The following GABRG3 variants were observed in gnomAD, a reference collection of about 807,000 sequenced individuals.
GABRG3 encodes gamma-aminobutyric acid type A receptor subunit gamma3.
A neutral mutation model predicts 48.8 loss-of-function variants in GABRG3; 25 were observed. The observed-to-expected ratio is 0.51, with a 90% CI of 0.37 to 0.72. The LOEUF is 0.72. GABRG3 is among the 30% of genes least tolerant of loss of function. The pLI is 0.00. For missense variants in GABRG3, 394 were observed against 577.9 expected, an observed-to-expected ratio of 0.68 and a Z score of 3.26; for synonymous variants, 227 against 217.6, an observed-to-expected ratio of 1.04 and a Z score of -0.38.
intron 3 of GABRG3, among the ~76,000 whole-genome samples, chr15:27,058,522 G>A (rs991984950): frequency 6.6e-6 from 1 of 152,154 alleles, no homozygotes; most frequent in Non-Finnish European, 1.5e-5. Flanking sequence ...ACCAGGAGTT[G>A]TAGCATCTTT....
At chr15:27,495,444 T>C (rs1343744241) in intron 6 of GABRG3, among the ~76,000 whole-genome samples, 1 of 152,226 alleles carries the variant, frequency 6.6e-6, no homozygotes, top group Non-Finnish European at 1.5e-5. Flanking sequence ...TATGCAAATA[T>C]CTCTTTGAGA....
At chr15:27,248,955 C>T (rs1473918664) in intron 3 of GABRG3, among the ~76,000 whole-genome samples, 1 of 152,106 alleles carries the variant, frequency 6.6e-6, no homozygotes, top group Non-Finnish European at 1.5e-5. Context: ...GCCCCGGAGG[C>T]TGAGGACCCC....
chr15:27,281,355 C>G (rs1267437124), intron 3 of GABRG3, among the ~76,000 whole-genome samples: 1 of 151,896 alleles, frequency 6.6e-6, no homozygotes, highest in African/African-American at 2.4e-5. Flanking sequence ...CCCACCTTTG[C>G]CTGTTTTTCC....
rs569266312 is a variant in GABRG3 at position 27,427,568 on chromosome 15, C to T, written c.575-53082C>T. 1.3e-4 allele frequency among the ~76,000 whole-genome samples: 20 copies of T among 152,292 alleles called. No homozygotes were observed. In the East Asian group the frequency reaches 2.1e-3, roughly 16 times the overall value. The stretch of plus-strand genomic sequence containing the variant: ...TGTAATTAATGCTTCTATTATTTTC[C>T]TTGTTATCATTACTAGGCATGTGGC... On this transcript the variant is annotated intron_variant, in intron 5 of 9. Coordinates refer to ENST00000615808, the MANE Select transcript of GABRG3 (RefSeq NM_033223.5).
rs528802245 is a variant in GABRG3 at position 26,997,680 on chromosome 15, T to A, written c.202+20530T>A. ...GCATTATCTTCTGCTTATTGACCAA[T>A]GTTTGTCCATAAGTCATTTTAGACA... On this transcript the variant is annotated intron_variant, in intron 2 of 9. Transcript: ENST00000615808. 5.3e-5 allele frequency among the ~76,000 whole-genome samples: 8 copies of A among 152,340 alleles called. No individual in the cohort carries two copies. In the South Asian group the frequency reaches 1.7e-3, roughly 32 times the overall value.
rs374205174 is a variant in GABRG3 at position 27,494,371 on chromosome 15, A to G, written c.712+13584A>G. Among the ~76,000 whole-genome samples the G allele has an allele frequency of 5.8e-4, 89 of 152,220 alleles. 1 individual carries two copies. The South Asian group carries it at 0.018, about 31-fold the overall frequency. ...TTCTGGCCTCATAAAATGAAGAGAGAAGTGTTCCCTCCTCTCATACGTCCT... is the reference window on the plus strand; with the variant it reads ...TTCTGGCCTCATAAAATGAAGAGAGGAGTGTTCCCTCCTCTCATACGTCCT... On this transcript the variant is annotated intron_variant, in intron 6 of 9. Transcript: ENST00000615808.
Position 27,535,534 on chromosome 15 carries a change from T to C in GABRG3, c.*2653T>C, listed in dbSNP as rs1383562403. On this transcript the variant is annotated 3_prime_UTR_variant, in exon 10 of 10. Transcript: ENST00000615808. Reference sequence around the variant, plus strand: ...CGCTCCTTTTCTAGGAAGGAGAACCTTCATCTCAAGAAAGTCCAATGGATT... The same window carrying C: ...CGCTCCTTTTCTAGGAAGGAGAACCCTCATCTCAAGAAAGTCCAATGGATT... 2.6e-5 allele frequency: 4 copies of C among 152,344 alleles called. No homozygotes were observed. The highest frequency in any genetic ancestry group is 1.3e-4 in the Admixed American group (2 of 15,308). 9.4% of individuals were successfully genotyped at this position (152,344 alleles called of 1,614,324 possible). A position where few individuals can be genotyped will look rare whatever the true frequency, so the allele number is the denominator to read the frequency against.
At chr15:27,069,293 T>G (rs574498064) in intron 3 of GABRG3, among the ~76,000 whole-genome samples, 1 of 152,222 alleles carries the variant, frequency 6.6e-6, no homozygotes, top group Non-Finnish European at 1.5e-5. Flanking sequence ...TTCTAGACAT[T>G]CATGGCATAG....
At chr15:27,353,962 C>A (rs1468506740) in intron 5 of GABRG3, among the ~76,000 whole-genome samples, 2 of 152,136 alleles carry the variant, frequency 1.3e-5, no homozygotes, top group Non-Finnish European at 2.9e-5. Flanking sequence ...TCTCCTGCAC[C>A]TCCAGCCCCT....
Position 27,316,281 on chromosome 15 carries a change from G to A in GABRG3, c.271-10528G>A, listed in dbSNP as rs552632059. Among the ~76,000 whole-genome samples the A allele has an allele frequency of 8.9e-3, 1,349 of 151,088 alleles. 27 individuals carry two copies. Among genetic ancestry groups the A allele is most frequent in the African/African-American group, 0.031 (1,280 of 41,244 alleles). On this transcript the variant is annotated intron_variant, in intron 3 of 9. Coordinates refer to ENST00000615808, the MANE Select transcript of GABRG3 (RefSeq NM_033223.5). Reference sequence around the variant, plus strand: ...CGGGCGCCTGTAGTCCCAGCTACTTGGGAGGCTGAGGCAGGAGAATGGCGT... The same window carrying A: ...CGGGCGCCTGTAGTCCCAGCTACTTAGGAGGCTGAGGCAGGAGAATGGCGT...
At chr15:27,424,262 C>T (rs528848659) in intron 5 of GABRG3, among the ~76,000 whole-genome samples, 90 of 152,220 alleles carry the variant, frequency 5.9e-4, no homozygotes, top group African/African-American at 2.1e-3. Context: ...TGTCTTAGTT[C>T]ATTTGTGCTG....
At chr15:27,006,091 G>C (rs1262033601) in intron 2 of GABRG3, among the ~76,000 whole-genome samples, 1 of 152,098 alleles carries the variant, frequency 6.6e-6, no homozygotes, top group Non-Finnish European at 1.5e-5. Context: ...ATCTGGACCA[G>C]TGTTTGTGGA....
chr15:27,271,407 A>G (rs543683218), intron 3 of GABRG3: 1 of 371,342 alleles, frequency 2.7e-6, no homozygotes, highest in Admixed American at 3.3e-5. Context: ...TTACGCAGGG[A>G]GCTGCGCAAG....
intron 3 of GABRG3, among the ~76,000 whole-genome samples, chr15:27,283,840 G>A (rs568930557): frequency 1.7e-4 from 26 of 152,216 alleles, no homozygotes; most frequent in African/African-American, 3.1e-4. Flanking sequence ...TTTCAGGGTC[G>A]TCTTTCACAA....
intron 3 of GABRG3, among the ~76,000 whole-genome samples, chr15:27,272,121 C>A (rs1391643915): frequency 6.6e-6 from 1 of 152,252 alleles, no homozygotes; most frequent in Non-Finnish European, 1.5e-5. Context: ...GGGTTTCCAT[C>A]CAGACTGTCC....
intron 3 of GABRG3, among the ~76,000 whole-genome samples, chr15:27,159,298 A>G (rs1185605131): frequency 6.6e-6 from 1 of 152,080 alleles, no homozygotes; most frequent in Non-Finnish European, 1.5e-5. Flanking sequence ...TCTGACCAAC[A>G]TGGCAAAACC....
chr15:27,274,696 A>C (rs751260672), intron 3 of GABRG3, among the ~76,000 whole-genome samples: 9 of 152,128 alleles, frequency 5.9e-5, no homozygotes, highest in African/African-American at 1.9e-4. Context: ...CCACTCCTCC[A>C]TGGAGCACTT....
chr15:27,063,059 T>C (rs1199710780), intron 3 of GABRG3, among the ~76,000 whole-genome samples: 1 of 152,190 alleles, frequency 6.6e-6, no homozygotes, highest in Admixed American at 6.5e-5. Flanking sequence ...GTGATGCGTT[T>C]TCCCCCCCAA....
At chr15:27,306,916 C>CAATATAAACATGTTTATATATAAACATAT (rs1555369875) in intron 3 of GABRG3, among the ~76,000 whole-genome samples, 23 of 13,956 alleles carry the variant, frequency 1.6e-3, no homozygotes, top group East Asian at 9.4e-3. Flanking sequence ...TATAAACATA[C>CAATATAAACATGTTTATATATAAACATAT]AATATAAACA....
Sources: allele counts gnomAD v4.1 joint callset (sites outside exome capture counted in the v4.1 genomes callset), GRCh38; gene constraint gnomAD v4.1.1; transcripts MANE v1.5; gene names NCBI Gene and HGNC (gene_info 2026-07-23, HGNC 2026-07-21).